The following NHS variants were observed in gnomAD, a reference collection of about 807,000 sequenced individuals.
NHS encodes the protein actin remodeling regulator NHS.
In NHS, 5 loss-of-function variants were observed where a neutral mutation model predicts 72.5. The ratio of observed to expected loss-of-function variants is 0.07; its 90% CI spans 0.04 to 0.14. NHS has a LOEUF of 0.14. Ranked by LOEUF, NHS falls within the 10% of genes least tolerant of loss-of-function variation. The pLI, the probability that NHS is intolerant of heterozygous loss-of-function variation, is 1.00. For missense variants in NHS, 1,072 were observed against 1,355.7 expected (o/e 0.79, Z 3.29); for synonymous variants, 464 against 547.7 (o/e 0.85, Z 2.13).
At chrX:17,696,786 G>C (rs1177877950) in intron 3 of NHS, among the ~76,000 whole-genome samples, 1 of 111,391 alleles carries the variant, frequency 9.0e-6, no homozygotes, top group Admixed American at 9.5e-5. Flanking sequence ...AAATGATATA[G>C]AACAAGAAGG....
At chrX:17,496,263 A>G (rs1024520762) in intron 1 of NHS, among the ~76,000 whole-genome samples, 2 of 110,656 alleles carry the variant, frequency 1.8e-5, no homozygotes. Context: ...ATTCCTAGGT[A>G]TGGGTGAACT....
intron 1 of NHS, among the ~76,000 whole-genome samples, chrX:17,515,142 T>C (rs1268037424): frequency 2.7e-5 from 3 of 112,137 alleles, no homozygotes; most frequent in South Asian, 3.7e-4. Context: ...ACATACTCAG[T>C]TGTTATTACC....
chrX:17,582,253 G>A (rs776255796), intron 1 of NHS, among the ~76,000 whole-genome samples: 1 of 112,364 alleles, frequency 8.9e-6, no homozygotes, highest in South Asian at 3.7e-4. Flanking sequence ...GTTGCCTGAG[G>A]GTGTTTCTGG....
At chrX:17,529,544 A>C (rs2065188859) in intron 1 of NHS, among the ~76,000 whole-genome samples, 1 of 111,650 alleles carries the variant, frequency 9.0e-6, no homozygotes, top group Admixed American at 9.5e-5. Flanking sequence ...AAGCCGACAA[A>C]GAAAGCTGAC....
chrX:17,487,154 A>T (rs1322633129), intron 1 of NHS, among the ~76,000 whole-genome samples: 1 of 112,326 alleles, frequency 8.9e-6, no homozygotes, highest in East Asian at 2.8e-4. Flanking sequence ...TTAATATTTC[A>T]TGGAAGCCAG....
intron 1 of NHS, chrX:17,552,658 G>A (rs2065342641): frequency 8.9e-6 from 1 of 111,926 alleles, no homozygotes; most frequent in Admixed American, 9.4e-5. Flanking sequence ...GAGAGGGGGT[G>A]GGGAAAGAAC....
At chrX:17,694,358 C>G (rs930674597) in intron 3 of NHS, among the ~76,000 whole-genome samples, 2 of 112,468 alleles carry the variant, frequency 1.8e-5, no homozygotes, top group African/African-American at 6.5e-5. Context: ...TTCAAGCTCA[C>G]AAGACTGTAT....
intron 1 of NHS, among the ~76,000 whole-genome samples, chrX:17,676,328 C>T (rs949736292): frequency 6.3e-5 from 7 of 111,550 alleles, no homozygotes; most frequent in African/African-American, 2.0e-4. Context: ...AGGAGTGAAG[C>T]GATTTTAACA....
At chrX:17,514,380 C>T (rs942889506) in intron 1 of NHS, among the ~76,000 whole-genome samples, 1 of 112,301 alleles carries the variant, frequency 8.9e-6, no homozygotes, top group African/African-American at 3.2e-5. Context: ...AGTCTTCTGG[C>T]CTTCATCTTT....
chrX:17,382,817 G>A (rs186618636), intron 1 of NHS, among the ~76,000 whole-genome samples: 12 of 112,102 alleles, frequency 1.1e-4, no homozygotes, highest in Admixed American at 1.9e-4. Flanking sequence ...CATGCTGAAG[G>A]CTACTTACTG....
At chrX:17,416,500 G>A (rs1309907356) in intron 1 of NHS, among the ~76,000 whole-genome samples, 8 of 112,301 alleles carry the variant, frequency 7.1e-5, no homozygotes, top group African/African-American at 2.3e-4. Context: ...AAGCACAAGT[G>A]AAATATAACT....
intron 1 of NHS, among the ~76,000 whole-genome samples, chrX:17,500,776 G>A (rs938894849): frequency 1.4e-4 from 16 of 111,660 alleles, no homozygotes; most frequent in African/African-American, 4.9e-4. Context: ...TGGCTTTTGC[G>A]TTAGGCAGAC....
At chrX:17,496,109 C>T (rs900169519) in intron 1 of NHS, among the ~76,000 whole-genome samples, 7 of 111,486 alleles carry the variant, frequency 6.3e-5, no homozygotes, top group Admixed American at 9.5e-5. Flanking sequence ...CTGGGTGCCT[C>T]CTCTTGGCTG....
chrX:17,719,776 T>G (rs2066394640), intron 4 of NHS, among the ~76,000 whole-genome samples: 1 of 111,699 alleles, frequency 9.0e-6, no homozygotes, highest in African/African-American at 3.3e-5. Flanking sequence ...CAGCCAATCG[T>G]CCTGTCACCA....
intron 1 of NHS, among the ~76,000 whole-genome samples, chrX:17,628,233 A>C (rs2065807659): frequency 8.9e-6 from 1 of 112,541 alleles, no homozygotes; most frequent in South Asian, 3.7e-4. Context: ...GCCAAGTGGA[A>C]GGTTCCCAAT....
intron 1 of NHS, among the ~76,000 whole-genome samples, chrX:17,665,452 C>T (rs1042651854): frequency 1.5e-4 from 16 of 105,821 alleles, no homozygotes; most frequent in African/African-American, 4.5e-4. Flanking sequence ...CTCAGCCTCC[C>T]GAGTAGCTGG....
intron 1 of NHS, among the ~76,000 whole-genome samples, chrX:17,380,426 G>C (rs1440608574): frequency 1.9e-5 from 2 of 104,519 alleles, no homozygotes; most frequent in South Asian, 4.5e-4. Flanking sequence ...ACAGTGACTT[G>C]ATCATGACTC....
At chrX:17,496,276 T>C (rs972340028) in intron 1 of NHS, among the ~76,000 whole-genome samples, 4 of 110,978 alleles carry the variant, frequency 3.6e-5, no homozygotes, top group Non-Finnish European at 7.6e-5. Context: ...GGTGAACTCC[T>C]GGAACTAGGT....
intron 1 of NHS, among the ~76,000 whole-genome samples, chrX:17,546,550 T>A (rs2065294379): frequency 8.9e-6 from 1 of 112,308 alleles, no homozygotes; most frequent in African/African-American, 3.2e-5. Context: ...CATTCATTCA[T>A]TGGTTCACTG....
Sources: gnomAD v4.1 joint callset for allele counts (sites outside exome capture counted in the v4.1 genomes callset) on GRCh38, gnomAD v4.1.1 for gene constraint, MANE v1.5 for transcripts, NCBI Gene and HGNC (gene_info 2026-07-23, HGNC 2026-07-21) for gene names.